Variants in RREB1 observed in about 807,000 individuals in gnomAD.
RREB1 encodes the protein ras responsive element binding protein 1, also known as ras-responsive element-binding protein 1.
RREB1 carries 27 observed loss-of-function variants against 117.8 expected under a neutral mutation model. The ratio of observed to expected loss-of-function variants is 0.23; its 90% CI spans 0.17 to 0.32. RREB1 has a LOEUF of 0.32. Ranked by LOEUF, RREB1 falls within the 10% of genes least tolerant of loss-of-function variation. The pLI, the probability that RREB1 is intolerant of heterozygous loss-of-function variation, is 1.00. For synonymous variants in RREB1, 1,298 were observed against 1,026.7 expected (o/e 1.26, Z -5.05); for missense variants, 2,577 against 2,378.2 (o/e 1.08, Z -1.74).
At chr6:7,124,172 G>T (rs1403524118) in intron 1 of RREB1, among the ~76,000 whole-genome samples, 1 of 152,166 alleles carries the variant, frequency 6.6e-6, no homozygotes, top group Non-Finnish European at 1.5e-5. Flanking sequence ...TGATATAGAT[G>T]TGGCAAACAC....
At position 7,229,778 on chromosome 6, in the gene RREB1, C is replaced by G; in HGVS notation, c.1679C>G (p.Ala560Gly). The G allele has an allele frequency of 1.2e-6, 2 of 1,606,894 alleles. No homozygotes were observed. Among genetic ancestry groups the G allele is most frequent in the Non-Finnish European group, 1.7e-6 (2 of 1,175,626 alleles). The change falls in exon 10 of 13, where the codon GCC (alanine) becomes GGC (glycine). Residue 560 changes from alanine to glycine, a missense_variant. Ala to Gly is a moderately conservative substitution (Grantham distance 60). Transcript: ENST00000379938. This position sits in a 1 kb window ranked among gnomAD's most constrained non-coding sequence, Gnocchi z 4.5. ...GGCTCAGTGGAGGCGGCCTCCAACG[C>G]CCACCTGCTGCAGTCCAAGTCCGGG... ...LKGSVEAASN[A>G]HLLQSKSGTQ...
intron 1 of RREB1, among the ~76,000 whole-genome samples, chr6:7,135,678 A>G (rs962225338): frequency 6.6e-6 from 1 of 152,214 alleles, no homozygotes; most frequent in African/African-American, 2.4e-5. Flanking sequence ...ACCTTTGTCT[A>G]GGACTTGGGA....
At chr6:7,217,189 G>GA (rs1055131836) in intron 8 of RREB1, 5 of 152,386 alleles carry the variant, frequency 3.3e-5, no homozygotes, top group African/African-American at 1.2e-4. Context: ...GAGGAGAGAA[G>GA]AATGTGTGAG....
chr6:7,117,442 C>CTTTTTTTTTTTTTTTTTT (rs1761462613), intron 1 of RREB1, among the ~76,000 whole-genome samples: 1 of 92,266 alleles, frequency 1.1e-5, no homozygotes, highest in Non-Finnish European at 1.9e-5. Context: ...AAGTGTTTTA[C>CTTTTTTTTTTTTTTTTTT]TCTTGTCACC....
At chr6:7,169,262 A>C (rs980215825) in intron 1 of RREB1, among the ~76,000 whole-genome samples, 2 of 152,218 alleles carry the variant, frequency 1.3e-5, no homozygotes, top group Admixed American at 6.5e-5. Context: ...CCTGTGGGAC[A>C]TCTTTAGCCT....
At chr6:7,187,808 A>G (rs972931316) in intron 5 of RREB1, 4 of 177,884 alleles carry the variant, frequency 2.2e-5, no homozygotes, top group African/African-American at 7.0e-5. Context: ...GGAGGTGGTT[A>G]TGAAATGACT....
chr6:7,194,588 A>G (rs1765575548), intron 6 of RREB1, among the ~76,000 whole-genome samples: 1 of 152,182 alleles, frequency 6.6e-6, no homozygotes. Flanking sequence ...GTTTTCTGGT[A>G]CTGATTTTCC....
At chr6:7,143,505 TATCTTA>T (rs749877424) in intron 1 of RREB1, among the ~76,000 whole-genome samples, 6 of 152,200 alleles carry the variant, frequency 3.9e-5, no homozygotes, top group Non-Finnish European at 8.8e-5. Context: ...CTTGCAGTAT[TATCTTA>T]GGTAGAGGTG....
chr6:7,157,205 G>A (rs1052095176), intron 1 of RREB1, among the ~76,000 whole-genome samples: 1 of 152,160 alleles, frequency 6.6e-6, no homozygotes, highest in Non-Finnish European at 1.5e-5. Flanking sequence ...GCAGAGGCAG[G>A]CAGATGGCTT....
Position 7,249,022 on chromosome 6 carries a change from C to T in RREB1, c.*54C>T, listed in dbSNP as rs970213882. The T allele has an allele frequency of 3.7e-6, 5 of 1,347,372 alleles. No individual in the cohort carries two copies. In the East Asian group the frequency reaches 7.6e-5, roughly 21 times the overall value. The allele number at this position is 1,347,372 out of a possible 1,614,324, so 83.5% of individuals were successfully genotyped here. A position where few individuals can be genotyped will look rare whatever the true frequency, so the allele number is the denominator to read the frequency against. ...AAGCCAGCAGAGCAAAGCGTCTATA[C>T]TTCATGGGGTTTCCTCAGTGCCCTT... On this transcript the variant is annotated 3_prime_UTR_variant, in exon 13 of 13. Coordinates refer to ENST00000379938, the MANE Select transcript of RREB1 (RefSeq NM_001003699.4).
chr6:7,164,174 C>G (rs1763811049), intron 1 of RREB1, among the ~76,000 whole-genome samples: 1 of 152,196 alleles, frequency 6.6e-6, no homozygotes, highest in Non-Finnish European at 1.5e-5. Context: ...TGGCTCCATT[C>G]TGGAGAGTTG....
chr6:7,196,812 A>G (rs1765700751), intron 6 of RREB1, among the ~76,000 whole-genome samples: 1 of 152,194 alleles, frequency 6.6e-6, no homozygotes, highest in South Asian at 2.1e-4. Flanking sequence ...GCCTGTATGC[A>G]GATTCTCATG....
intron 1 of RREB1, among the ~76,000 whole-genome samples, chr6:7,126,322 T>C (rs1761927259): frequency 6.7e-6 from 1 of 148,858 alleles, no homozygotes; most frequent in Non-Finnish European, 1.5e-5. Context: ...CGACCCATTC[T>C]TGTTGCCCAG....
At chr6:7,112,213 T>C (rs1761180910) in intron 1 of RREB1, among the ~76,000 whole-genome samples, 1 of 152,226 alleles carries the variant, frequency 6.6e-6, no homozygotes, top group South Asian at 2.1e-4. Flanking sequence ...TGATGTACAT[T>C]ACATTTCTGC....
rs532461711 is a variant in RREB1, at chr6:7,120,051, G to A, written c.-285+11991G>A. Among the ~76,000 whole-genome samples the A allele has an allele frequency of 3.3e-5, 5 of 152,190 alleles. No individual in the cohort carries two copies. In the South Asian group the frequency reaches 1.0e-3, roughly 32 times the overall value. On this transcript the variant is annotated intron_variant, in intron 1 of 12. Transcript: ENST00000379938. ...GGATTAGTCAGGGTTTACGAACAAG[G>A]TGTGTTCTCTACCTTTTAAAGAGCT...
At chr6:7,222,860 A>C (rs1339089835) in intron 8 of RREB1, among the ~76,000 whole-genome samples, 1 of 152,200 alleles carries the variant, frequency 6.6e-6, no homozygotes, top group Non-Finnish European at 1.5e-5. Flanking sequence ...TGCCATATTA[A>C]GAGGCATTCA....
At chr6:7,232,578 T>A (rs1418205233) in intron 10 of RREB1, among the ~76,000 whole-genome samples, 6 of 152,104 alleles carry the variant, frequency 3.9e-5, no homozygotes, top group South Asian at 2.1e-4. Context: ...GGCCTGGCGC[T>A]GGTCCAGGTG....
intron 1 of RREB1, among the ~76,000 whole-genome samples, chr6:7,169,379 T>C (rs2113490319): frequency 6.6e-6 from 1 of 152,342 alleles, no homozygotes; most frequent in African/African-American, 2.4e-5. Context: ...ATAGTCCACC[T>C]TGGGCACCCA....
chr6:7,229,557 T>G lies in RREB1; in HGVS notation c.1458T>G (p.Leu486=). 6.2e-7 allele frequency: 1 copy of G among 1,613,088 alleles called. No individual in the cohort carries two copies. Among genetic ancestry groups the G allele is most frequent in the Non-Finnish European group, 8.5e-7 (1 of 1,179,352 alleles). ...MAASAPPQIS[L]PPFSKAPAAP... ...CCTCGGCTCCCCCTCAGATCAGTCTTCCGCCCTTCTCCAAGGCCCCTGCCG... is the reference window on the plus strand; with the variant it reads ...CCTCGGCTCCCCCTCAGATCAGTCTGCCGCCCTTCTCCAAGGCCCCTGCCG... The change falls in exon 10 of 13, where the codon CTT becomes CTG. Residue 486 remains leucine, a synonymous_variant. Transcript: ENST00000379938. The surrounding 1 kb of genome is among the most constrained non-coding windows in gnomAD (Gnocchi z 4.5).
Sources: gnomAD v4.1 joint callset for allele counts (sites outside exome capture counted in the v4.1 genomes callset) on GRCh38, gnomAD v4.1.1 for gene constraint, Gnocchi (gnomAD v3.1) non-coding constraint, MANE v1.5 for transcripts, NCBI Gene and HGNC (gene_info 2026-07-23, HGNC 2026-07-21) for gene names.